NXPH1: variants seen among roughly 807,000 people sequenced by gnomAD.
NXPH1 encodes neurexophilin-1.
A neutral mutation model predicts 23.7 loss-of-function variants in NXPH1; 5 were observed. That is an observed-to-expected ratio of 0.21 (90% CI 0.11 to 0.44). The LOEUF (loss-of-function observed/expected upper bound fraction) is 0.44. Among genes scored for constraint, NXPH1 ranks in the 20% least tolerant of loss-of-function variants. The pLI is 0.99. For synonymous variants in NXPH1, 144 were observed against 122.2 expected (o/e 1.18, Z -1.18); for missense variants, 324 against 321.6 (o/e 1.01, Z -0.06).
chr7:8,606,174 A>C (rs891009385), intron 2 of NXPH1, among the ~76,000 whole-genome samples: 2 of 152,158 alleles, frequency 1.3e-5, no homozygotes, highest in African/African-American at 4.8e-5. Flanking sequence ...TGTTTGTTCT[A>C]TATATAATTT....
At chr7:8,548,141 C>T (rs1818224291) in intron 2 of NXPH1, among the ~76,000 whole-genome samples, 1 of 151,426 alleles carries the variant, frequency 6.6e-6, no homozygotes, top group South Asian at 2.1e-4. Flanking sequence ...AATTCTTATC[C>T]TCCCACCTTT....
rs185689151 is a variant in NXPH1, at chr7:8,649,287, T to C, written c.55-101721T>C. ...ATCTTATTTTGTGCTGTTTTTCATA[T>C]GGTATTTATCTCTCTCTTAAAACGT... On this transcript the variant is annotated intron_variant, in intron 2 of 2. Transcript: ENST00000405863. Among the ~76,000 whole-genome samples the C allele has an allele frequency of 3.3e-5, 5 of 151,542 alleles. No individual in the cohort carries two copies. In the East Asian group the frequency reaches 9.8e-4, roughly 30 times the overall value.
chr7:8,466,146 T>TA (rs927956114), intron 2 of NXPH1, among the ~76,000 whole-genome samples: 3 of 152,190 alleles, frequency 2.0e-5, no homozygotes, highest in African/African-American at 7.2e-5. Context: ...GAAAAGTCAT[T>TA]AAAAAATACA....
chr7:8,490,862 A>G (rs1262285567), intron 2 of NXPH1, among the ~76,000 whole-genome samples: 1 of 152,080 alleles, frequency 6.6e-6, no homozygotes, highest in African/African-American at 2.4e-5. Flanking sequence ...CATTTTATGA[A>G]TAAATATTAG....
At chr7:8,569,821 A>G (rs1818612892) in intron 2 of NXPH1, among the ~76,000 whole-genome samples, 1 of 151,904 alleles carries the variant, frequency 6.6e-6, no homozygotes, top group Admixed American at 6.6e-5. Flanking sequence ...GAAGGCTGAC[A>G]ACTTATTTAT....
chr7:8,465,156 A>T (rs1164515718), intron 2 of NXPH1, among the ~76,000 whole-genome samples: 3 of 152,224 alleles, frequency 2.0e-5, no homozygotes, highest in Non-Finnish European at 2.9e-5. Context: ...CCAAAATCTA[A>T]AAGAAAAGCT....
chr7:8,605,845 T>A (rs1005798138), intron 2 of NXPH1, among the ~76,000 whole-genome samples: 7 of 152,102 alleles, frequency 4.6e-5, no homozygotes, highest in Non-Finnish European at 8.8e-5. Context: ...ATATTTCTAT[T>A]TGCAGCTTTG....
At chr7:8,601,565 T>A (rs10237761) in intron 2 of NXPH1, among the ~76,000 whole-genome samples, 10,484 of 152,242 alleles carry the variant, frequency 0.069, 577 homozygotes, top group East Asian at 0.17. Flanking sequence ...CAGGAATGAT[T>A]AGTGATGTTG....
intron 2 of NXPH1, among the ~76,000 whole-genome samples, chr7:8,685,336 G>T (rs1292134195): frequency 1.3e-5 from 2 of 151,206 alleles, no homozygotes; most frequent in African/African-American, 2.4e-5. Context: ...AGATCCCACA[G>T]ATAAGTGAGA....
chr7:8,481,572 A>C (rs1817073532), intron 2 of NXPH1, among the ~76,000 whole-genome samples: 2 of 152,228 alleles, frequency 1.3e-5, no homozygotes, highest in Non-Finnish European at 2.9e-5. Context: ...TGAAGTTAGC[A>C]TTCCAAGTAA....
Position 8,684,190 on chromosome 7 carries a change from C to T in NXPH1, c.55-66818C>T, listed in dbSNP as rs146141751. Among the ~76,000 whole-genome samples, 1,158 of 152,282 alleles carry T rather than the reference C, an allele frequency of 7.6e-3. 12 individuals are homozygous for T. The highest frequency in any genetic ancestry group is 0.027 in the South Asian group (129 of 4,824). On this transcript the variant is annotated intron_variant, in intron 2 of 2. Transcript: ENST00000405863. Reference sequence around the variant, plus strand: ...ATGGGTCTGCCTTTTCAGGAAGAAACTTTCTACGGTCAGGCTATTTCTGGG... The same window carrying T: ...ATGGGTCTGCCTTTTCAGGAAGAAATTTTCTACGGTCAGGCTATTTCTGGG...
intron 2 of NXPH1, among the ~76,000 whole-genome samples, chr7:8,450,995 G>A (rs368621546): frequency 4.6e-5 from 7 of 152,084 alleles, no homozygotes; most frequent in South Asian, 4.1e-4. Context: ...TTTCAACTTT[G>A]AACTTTAAAA....
intron 2 of NXPH1, among the ~76,000 whole-genome samples, chr7:8,466,936 G>C (rs1563318794): frequency 6.6e-6 from 1 of 152,030 alleles, no homozygotes; most frequent in Non-Finnish European, 1.5e-5. Flanking sequence ...TATGTGACCT[G>C]GGACCATTTC....
intron 2 of NXPH1, among the ~76,000 whole-genome samples, chr7:8,596,229 C>T (rs117896070): frequency 0.011 from 1,705 of 152,156 alleles, 18 homozygotes; most frequent in South Asian, 0.051. Flanking sequence ...TATGTAAGCT[C>T]ATGAGCTAAT....
chr7:8,629,931 G>C (rs2115133502), intron 2 of NXPH1, among the ~76,000 whole-genome samples: 1 of 152,206 alleles, frequency 6.6e-6, no homozygotes, highest in South Asian at 2.1e-4. Context: ...GATATTCTTG[G>C]CCTGAATAGC....
chr7:8,723,390 A>G (rs1008172151), intron 2 of NXPH1, among the ~76,000 whole-genome samples: 17 of 152,206 alleles, frequency 1.1e-4, no homozygotes, highest in Admixed American at 9.8e-4. Flanking sequence ...CTTTCTTGCC[A>G]CTAAGAGACC....
intron 2 of NXPH1, among the ~76,000 whole-genome samples, chr7:8,599,577 A>G (rs1203041874): frequency 6.6e-6 from 1 of 152,126 alleles, no homozygotes; most frequent in Non-Finnish European, 1.5e-5. Context: ...TTCATCAGGC[A>G]TGGATTTTCA....
intron 2 of NXPH1, among the ~76,000 whole-genome samples, chr7:8,493,925 C>T (rs1817294536): frequency 1.3e-5 from 2 of 151,922 alleles, no homozygotes. Flanking sequence ...GATATTTTAT[C>T]ATGTTTTTGT....
intron 2 of NXPH1, among the ~76,000 whole-genome samples, chr7:8,499,496 G>A (rs1444766048): frequency 6.6e-6 from 1 of 152,098 alleles, no homozygotes; most frequent in Non-Finnish European, 1.5e-5. Flanking sequence ...GCAAGAATGA[G>A]ACTTGGATTC....
Sources: allele counts gnomAD v4.1 joint callset (sites outside exome capture counted in the v4.1 genomes callset), GRCh38; gene constraint gnomAD v4.1.1; transcripts MANE v1.5; gene names NCBI Gene and HGNC (gene_info 2026-07-23, HGNC 2026-07-21).